Variants in CATSPERT observed in about 807,000 individuals in gnomAD.
CATSPERT encodes the protein cation channel sperm-associated targeting subunit tau.
At chr2:201,580,343 T>C in the CATSPERT span, among the ~76,000 whole-genome samples, 1 of 152,318 alleles carries the variant, frequency 6.6e-6, no homozygotes, top group East Asian at 1.9e-4. Flanking sequence ...ACCATGCAAA[T>C]ATCTTGCTTC....
the CATSPERT span, chr2:201,494,813 C>T: frequency 7.0e-7 from 1 of 1,428,106 alleles, no homozygotes; most frequent in Non-Finnish European, 9.1e-7. Flanking sequence ...TTGAATTTAT[C>T]ATATATTTTC....
the CATSPERT span, among the ~76,000 whole-genome samples, chr2:201,563,469 A>ACCC: frequency 1.4e-4 from 10 of 69,578 alleles, 1 homozygote; most frequent in African/African-American, 2.1e-4. Context: ...CGGGGGGCTG[A>ACCC]CCCCCCACCT....
the CATSPERT span, among the ~76,000 whole-genome samples, chr2:201,512,245 A>G: frequency 6.6e-6 from 1 of 152,304 alleles, no homozygotes; most frequent in African/African-American, 2.4e-5. Context: ...ATTTTGAAAT[A>G]AATGTAAATT....
the CATSPERT span, among the ~76,000 whole-genome samples, chr2:201,514,809 C>T: frequency 6.6e-6 from 1 of 152,212 alleles, no homozygotes; most frequent in Non-Finnish European, 1.5e-5. Flanking sequence ...CTGATACCAT[C>T]AGGTTTCATC....
chr2:201,559,457 TC>T, the CATSPERT span, among the ~76,000 whole-genome samples: 2 of 152,166 alleles, frequency 1.3e-5, no homozygotes, highest in Non-Finnish European at 2.9e-5. Context: ...CAGATAGGAT[TC>T]CAGGCCAGCT....
chr2:201,492,291 A>T, the CATSPERT span: 1 of 1,534,478 alleles, frequency 6.5e-7, no homozygotes, highest in Non-Finnish European at 8.7e-7. Flanking sequence ...GCAAATTTAT[A>T]TGCTGGTTGA....
At chr2:201,498,291 T>C in the CATSPERT span, among the ~76,000 whole-genome samples, 3 of 152,106 alleles carry the variant, frequency 2.0e-5, no homozygotes, top group African/African-American at 7.2e-5. Flanking sequence ...AGTCTGTAGC[T>C]GAATGCCCCA....
At chr2:201,594,962 CCTT>C in the CATSPERT span, among the ~76,000 whole-genome samples, 14 of 152,114 alleles carry the variant, frequency 9.2e-5, no homozygotes, top group Admixed American at 2.0e-4. Context: ...TTGTCTGAAG[CCTT>C]CTTCTCTCAG....
the CATSPERT span, among the ~76,000 whole-genome samples, chr2:201,595,214 G>A: frequency 3.4e-5 from 5 of 147,540 alleles, no homozygotes; most frequent in South Asian, 2.1e-4. Context: ...TTTTTGAGAC[G>A]GAGTCTCACT....
the CATSPERT span, among the ~76,000 whole-genome samples, chr2:201,588,016 C>G: frequency 5.3e-5 from 8 of 152,108 alleles, no homozygotes; most frequent in South Asian, 1.7e-3. Context: ...AGCCTACCAA[C>G]CAGAAAAAGC....
chr2:201,490,626 T>C, the CATSPERT span, among the ~76,000 whole-genome samples: 39 of 152,310 alleles, frequency 2.6e-4, 1 homozygote, highest in South Asian at 7.9e-3. Flanking sequence ...GGTGCCACTG[T>C]TTATTTCATA....
At chr2:201,598,429 GA>G in the CATSPERT span, among the ~76,000 whole-genome samples, 2,570 of 143,262 alleles carry the variant, frequency 0.018, 65 homozygotes, top group African/African-American at 0.056. Flanking sequence ...TTGTTTTTAA[GA>G]AAAAAAAAAA....
the CATSPERT span, chr2:201,487,893 C>A: frequency 6.2e-7 from 1 of 1,600,016 alleles, no homozygotes. Context: ...TCAAATTTAT[C>A]TGAACAATCC....
the CATSPERT span, among the ~76,000 whole-genome samples, chr2:201,597,799 C>A: frequency 6.6e-6 from 1 of 152,254 alleles, no homozygotes; most frequent in South Asian, 2.1e-4. Flanking sequence ...CACTACTACT[C>A]ATTCTTCAGT....
chr2:201,582,249 T>A, the CATSPERT span: 1 of 1,564,226 alleles, frequency 6.4e-7, no homozygotes, highest in South Asian at 1.2e-5. Context: ...AAAAGAAGCA[T>A]TAAATTTGAG....
chr2:201,555,596 G>C, the CATSPERT span: 2 of 152,028 alleles, frequency 1.3e-5, no homozygotes, highest in Non-Finnish European at 2.9e-5. Context: ...CAAGCTCAAC[G>C]AATTTTTATA....
At chr2:201,598,237 A>G in the CATSPERT span, among the ~76,000 whole-genome samples, 1 of 152,118 alleles carries the variant, frequency 6.6e-6, no homozygotes, top group Non-Finnish European at 1.5e-5. Context: ...AGTAGCTGGC[A>G]CTACAGGTAC....
At chr2:201,544,234 G>A in the CATSPERT span, among the ~76,000 whole-genome samples, 63,683 of 151,610 alleles carry the variant, frequency 0.42, 13,954 homozygotes, top group East Asian at 0.75. Context: ...TATATGTGCC[G>A]TATTTTCTTA....
the CATSPERT span, among the ~76,000 whole-genome samples, chr2:201,566,419 T>C: frequency 3.6e-5 from 5 of 138,342 alleles, no homozygotes; most frequent in South Asian, 4.6e-4. Flanking sequence ...AGTGTTCTCA[T>C]TGTTCAATTC....
Sources: allele counts gnomAD v4.1 joint callset (sites outside exome capture counted in the v4.1 genomes callset), GRCh38; gene constraint gnomAD v4.1.1; transcripts MANE v1.5; gene names NCBI Gene and HGNC (gene_info 2026-07-23, HGNC 2026-07-21).